Variants in MTCH1 observed in about 807,000 individuals in gnomAD.
MTCH1 encodes the protein mitochondrial carrier 1, also known as mitochondrial carrier homolog 1.
MTCH1 carries 23 observed loss-of-function variants against 49.3 expected under a neutral mutation model. That is an observed-to-expected ratio of 0.47 (90% CI 0.34 to 0.66). The LOEUF (loss-of-function observed/expected upper bound fraction) is 0.66. Among genes scored for constraint, MTCH1 ranks in the 30% least tolerant of loss-of-function variants. The pLI, the probability that MTCH1 is intolerant of heterozygous loss-of-function variation, is 0.01. For synonymous variants in MTCH1, 229 were observed against 215.2 expected (o/e 1.06, Z -0.56); for missense variants, 397 against 532.1 (o/e 0.75, Z 2.50).
Position 36,969,119 on chromosome 6 carries a change from A to G in MTCH1, c.1099-145T>C, listed in dbSNP as rs1763582645. On this transcript the variant is annotated intron_variant, in intron 11 of 11. Transcript: ENST00000373627. ...GGACGGCCTCGGCCTACATCCCTGG[A>G]GGGCAGAATCTGCCTGTGTTGAAGC... 2.1e-6 allele frequency: 3 copies of G among 1,436,594 alleles called. No homozygotes were observed. The South Asian group carries it at 4.4e-5, about 21-fold the overall frequency. 89.0% of individuals were successfully genotyped at this position (1,436,594 alleles called of 1,614,324 possible). A position where few individuals can be genotyped will look rare whatever the true frequency, so the allele number is the denominator to read the frequency against.
intron 11 of MTCH1, 126 bp downstream of exon 11, chr6:36,969,913 C>T (rs1167635293): frequency 3.9e-6 from 6 of 1,549,758 alleles, no homozygotes; most frequent in Non-Finnish European, 5.2e-6. Context: ...TACCAAGTAT[C>T]TCCTCACAAT....
chr6:36,968,578 C>T lies in MTCH1; in HGVS notation c.*325G>A. On this transcript the variant is annotated 3_prime_UTR_variant, in exon 12 of 12. Transcript: ENST00000373627. ...GGGGTCTGACCCCATTAGCCTTTCC[C>T]CATCCAACCTGGGCCCCCATAAGCC... 4 of 407,046 alleles carry T rather than the reference C, an allele frequency of 9.8e-6. No individual in the cohort carries two copies. The East Asian group carries it at 2.5e-4, about 26-fold the overall frequency. The allele number at this position is 407,046 out of a possible 1,614,324, so 25.2% of individuals were successfully genotyped here.
chr6:36,978,242 A>G (rs935693517), intron 3 of MTCH1, 87 bp from the exon 4 acceptor site: 10 of 1,224,220 alleles, frequency 8.2e-6, no homozygotes, highest in East Asian at 2.3e-5. Context: ...ACCAGCTCCA[A>G]ATATTTCCTC....
chr6:36,980,567 C>T (rs1020012393), intron 2 of MTCH1, among the ~76,000 whole-genome samples: 6 of 152,218 alleles, frequency 3.9e-5, no homozygotes, highest in African/African-American at 1.2e-4. Flanking sequence ...CTGCACTCAA[C>T]AACACAGGGA....
chr6:36,973,723 C>T (rs564765542), intron 7 of MTCH1, among the ~76,000 whole-genome samples: 3 of 152,276 alleles, frequency 2.0e-5, no homozygotes, highest in South Asian at 2.1e-4. Flanking sequence ...ATCTGTTGTG[C>T]GGGAATCCTA....
Position 36,972,911 on chromosome 6 carries a change from T to C in MTCH1, c.762-115A>G, listed in dbSNP as rs1305085779. On this transcript the variant is annotated intron_variant, in intron 7 of 11. Coordinates refer to ENST00000373627, the MANE Select transcript of MTCH1 (RefSeq NM_001271641.2). The surrounding 1 kb of genome is among the most constrained non-coding windows in gnomAD (Gnocchi z 4.1). ...GAGCTCAAAATCTTAGCATATCCAA[T>C]GGCACAGCCTTAGAAAGGAGGCCTG... is the stretch of plus-strand genomic sequence containing the variant. 9 of 1,066,996 alleles carry C rather than the reference T, an allele frequency of 8.4e-6. No individual in the cohort carries two copies. Among genetic ancestry groups the C allele is most frequent in the Admixed American group, 2.4e-5 (1 of 41,866 alleles). 66.1% of individuals were successfully genotyped at this position (1,066,996 alleles called of 1,614,324 possible). A position where few individuals can be genotyped will look rare whatever the true frequency, so the allele number is the denominator to read the frequency against.
intron 7 of MTCH1, 137 bp downstream of exon 7, chr6:36,975,521 G>C (rs548988299): frequency 1.3e-6 from 1 of 779,438 alleles, no homozygotes; most frequent in Admixed American, 2.2e-5. Context: ...GCTCTGGAGA[G>C]CTGGCTGCAG....
At chr6:36,970,865 C>T (rs372833491) in intron 8 of MTCH1, 171 bp from the exon 9 acceptor site, 4 of 751,714 alleles carry the variant, frequency 5.3e-6, no homozygotes, top group Admixed American at 2.2e-5. Context: ...GGGGCAGAAA[C>T]GGGGTAAGTG....
At position 36,977,795 on chromosome 6, in the gene MTCH1, G is replaced by T; in HGVS notation, c.592-104C>A. On this transcript the variant is annotated intron_variant, in intron 4 of 11. Transcript: ENST00000373627. The surrounding 1 kb of genome is among the most constrained non-coding windows in gnomAD (Gnocchi z 5.4). ...TCAGGAGGGAGAAACCTGTCCCAGGGACTGCACATGGGGTCGGTCTGCCAA... is the reference window on the plus strand; with the variant it reads ...TCAGGAGGGAGAAACCTGTCCCAGGTACTGCACATGGGGTCGGTCTGCCAA... The T allele has an allele frequency of 9.5e-7, 1 of 1,049,218 alleles. No homozygotes were observed. 65.0% of individuals were successfully genotyped at this position (1,049,218 alleles called of 1,614,324 possible).
Position 36,968,453 on chromosome 6 carries a change from C to A in MTCH1, c.*450G>T. ...GCATAGGCCTAGACATGATGGTGGC[C>A]ACGTGCCAGGGGACCACACCCTATG... On this transcript the variant is annotated 3_prime_UTR_variant, in exon 12 of 12. Transcript: ENST00000373627. The A allele has an allele frequency of 3.0e-6, 1 of 332,248 alleles. No homozygotes were observed. The highest frequency in any genetic ancestry group is 6.0e-6 in the Non-Finnish European group (1 of 167,802). The allele number at this position is 332,248 out of a possible 1,614,324, so 20.6% of individuals were successfully genotyped here.
In MTCH1 at chr6:36,968,878, G is replaced by C. The variant is rs1433358658; in HGVS notation, c.*25C>G. The C allele has an allele frequency of 3.1e-6, 5 of 1,613,676 alleles. No homozygotes were observed. The African/African-American group carries it at 6.7e-5, about 22-fold the overall frequency. On this transcript the variant is annotated 3_prime_UTR_variant, in exon 12 of 12. Transcript: ENST00000373627. ...GCCTCACCCACGGTGGCCAGGTTGA[G>C]ACCGTGTTTTTTAGATGATTCAGGT...
upstream of MTCH1, chr6:36,986,214 C>T: frequency 2.9e-6 from 4 of 1,384,762 alleles, no homozygotes; most frequent in Non-Finnish European, 9.3e-7. Flanking sequence ...CGTGACGGGG[C>T]CACGCCCCCT....
chr6:36,968,936 C>T lies in MTCH1; in HGVS notation c.1137G>A (p.Arg379=), dbSNP rs756697591. 1.2e-6 allele frequency: 2 copies of T among 1,614,038 alleles called. No individual in the cohort carries two copies. Among genetic ancestry groups the T allele is most frequent in the Non-Finnish European group, 1.7e-6 (2 of 1,179,992 alleles). ...LFRGSSLLFR[R]VSSGSCFALE ...GGGCAAAGCATGATCCTGATGACAC[C>T]CGGCGGAAAAGCAGGCTGGAGCCTC... The change falls in exon 12 of 12, where the codon CGG becomes CGA. Residue 379 remains arginine, a synonymous_variant. Transcript: ENST00000373627.
At chr6:36,970,355 C>A (rs371611837) in intron 10 of MTCH1, 51 bp downstream of exon 10, 2 of 1,606,868 alleles carry the variant, frequency 1.2e-6, no homozygotes, top group East Asian at 2.2e-5. Flanking sequence ...GGGTCTCCCC[C>A]ACCCCACAGC....
intron 2 of MTCH1, among the ~76,000 whole-genome samples, chr6:36,979,594 T>C (rs979850806): frequency 6.6e-6 from 1 of 152,176 alleles, no homozygotes; most frequent in Admixed American, 6.5e-5. Context: ...GGGTTTTTCA[T>C]GAGGCTGAGA....
chr6:36,977,349 C>T lies in MTCH1; in HGVS notation c.650-99G>A, dbSNP rs958968197. 78 of 1,292,254 alleles carry T rather than the reference C, an allele frequency of 6.0e-5. No homozygotes were observed. The Admixed American group carries it at 1.3e-3, about 21-fold the overall frequency. 80.0% of individuals were successfully genotyped at this position (1,292,254 alleles called of 1,614,324 possible). On this transcript the variant is annotated intron_variant, in intron 5 of 11. Coordinates refer to ENST00000373627, the MANE Select transcript of MTCH1 (RefSeq NM_001271641.2). This position sits in a 1 kb window ranked among gnomAD's most constrained non-coding sequence, Gnocchi z 5.4. ...CAGGTGCAGAGTGGCCACTGAACAA[C>T]GTGGCCTATTCAGAGAGCAGGAGAG...
intron 11 of MTCH1, 123 bp downstream of exon 11, chr6:36,969,916 C>T (rs1371687425): frequency 6.5e-7 from 1 of 1,550,182 alleles, no homozygotes; most frequent in East Asian, 2.4e-5. Context: ...CAAGTATCTC[C>T]TCACAATATT....
rs541322164 is a variant in MTCH1 at position 36,977,708 on chromosome 6, G to A, written c.592-17C>T. ...GTAGGAGGTCTGGAAGAGAGCATGGGGTGGGGACTCGCCACCCTCGGCCTG... is the reference window on the plus strand; with the variant it reads ...GTAGGAGGTCTGGAAGAGAGCATGGAGTGGGGACTCGCCACCCTCGGCCTG... On this transcript the variant is annotated splice_polypyrimidine_tract_variant and intron_variant, in intron 4 of 11. Transcript: ENST00000373627. The surrounding 1 kb of genome is among the most constrained non-coding windows in gnomAD (Gnocchi z 5.4). 6 of 1,601,420 alleles carry A rather than the reference G, an allele frequency of 3.7e-6. No individual in the cohort carries two copies. In the African/African-American group the frequency reaches 5.4e-5, roughly 14 times the overall value.
upstream of MTCH1, chr6:36,986,291 G>GCGGCGGGTGGGACA (rs1228586836): frequency 2.0e-6 from 2 of 994,002 alleles, no homozygotes; most frequent in Non-Finnish European, 2.6e-6. Context: ...GGAGCGTGGT[G>GCGGCGGGTGGGACA]CGGCGGGTGG....
Sources: allele counts gnomAD v4.1 joint callset (sites outside exome capture counted in the v4.1 genomes callset), GRCh38; gene constraint gnomAD v4.1.1; non-coding constraint Gnocchi (gnomAD v3.1); transcripts MANE v1.5; gene names NCBI Gene and HGNC (gene_info 2026-07-23, HGNC 2026-07-21).